Variants in MEF2C observed in about 807,000 individuals in gnomAD.
MEF2C encodes myocyte enhancer factor 2C.
In MEF2C, 6 loss-of-function variants were observed where a neutral mutation model predicts 50.5. The ratio of observed to expected loss-of-function variants is 0.12; its 90% CI spans 0.07 to 0.23. The LOEUF is 0.23. Among genes scored for constraint, MEF2C ranks in the 10% least tolerant of loss-of-function variants. The pLI is 1.00. For synonymous variants in MEF2C, 183 were observed against 228.0 expected, an observed-to-expected ratio of 0.80 and a Z score of 1.78; for missense variants, 276 against 605.0, an observed-to-expected ratio of 0.46 and a Z score of 5.70.
intron 3 of MEF2C, among the ~76,000 whole-genome samples, chr5:88,777,871 AAAAG>A (rs1785582957): frequency 2.0e-5 from 3 of 151,164 alleles, no homozygotes; most frequent in Non-Finnish European, 2.9e-5. Flanking sequence ...AGCCCCAAGG[AAAAG>A]AAAGGGTGCT....
At chr5:88,781,716 A>G (rs924285659) in intron 3 of MEF2C, among the ~76,000 whole-genome samples, 1 of 152,014 alleles carries the variant, frequency 6.6e-6, no homozygotes, top group Admixed American at 6.5e-5. Flanking sequence ...TCACACCTGT[A>G]ATCTCAGCAC....
intron 3 of MEF2C, among the ~76,000 whole-genome samples, chr5:88,801,133 G>C (rs1195976195): frequency 6.6e-6 from 1 of 152,144 alleles, no homozygotes; most frequent in Non-Finnish European, 1.5e-5. Context: ...GTAAAGGCTG[G>C]AAATTATATT....
chr5:88,780,597 T>C lies in MEF2C; in HGVS notation c.259-19269A>G, dbSNP rs543316392. On this transcript the variant is annotated intron_variant, in intron 3 of 10. Coordinates refer to ENST00000504921, the MANE Select transcript of MEF2C (RefSeq NM_002397.5). ...GGCTCATTTCCAAGAGTATGTATCC[T>C]CACTGCCATGAAAATACTGCGGGAG... Among the ~76,000 whole-genome samples, 10 of 152,332 alleles carry C rather than the reference T, an allele frequency of 6.6e-5. No individual in the cohort carries two copies. The South Asian group carries it at 1.9e-3, about 28-fold the overall frequency.
At chr5:88,784,430 CTGTT>C (rs557662608) in intron 3 of MEF2C, among the ~76,000 whole-genome samples, 3 of 152,138 alleles carry the variant, frequency 2.0e-5, no homozygotes, top group Non-Finnish European at 4.4e-5. Context: ...TAACATATAA[CTGTT>C]TAAGATAAAA....
chr5:88,848,111 C>A (rs1294617317), intron 1 of MEF2C, among the ~76,000 whole-genome samples: 2 of 152,072 alleles, frequency 1.3e-5, no homozygotes, highest in Non-Finnish European at 2.9e-5. Context: ...AATATTTTAG[C>A]TGAGATTTTA....
At chr5:88,734,237 A>C in intron 6 of MEF2C, 1 of 985,364 alleles carries the variant, frequency 1.0e-6, no homozygotes, top group Non-Finnish European at 1.2e-6. Flanking sequence ...TGTCAGCTGA[A>C]GGTCAGATGG....
chr5:88,740,275 T>G (rs1766017496), intron 6 of MEF2C: 1 of 903,496 alleles, frequency 1.1e-6, no homozygotes, highest in Non-Finnish European at 1.3e-6. Context: ...TGTGTGAAAT[T>G]AACAGTCTGT....
At chr5:88,824,303 T>C in intron 1 of MEF2C, 1 of 985,426 alleles carries the variant, frequency 1.0e-6, no homozygotes, top group Middle Eastern at 5.2e-4. Flanking sequence ...AATGAACCTT[T>C]ATGTACCTGT....
chr5:88,879,383 TA>T (rs398109146), intron 1 of MEF2C, among the ~76,000 whole-genome samples: 1 of 33,362 alleles, frequency 3.0e-5, no homozygotes, highest in African/African-American at 1.8e-4. Flanking sequence ...ATATATATAT[TA>T]TATATATATA....
chr5:88,821,250 T>C (rs1180201853), intron 2 of MEF2C, among the ~76,000 whole-genome samples: 1 of 151,842 alleles, frequency 6.6e-6, no homozygotes, highest in Non-Finnish European at 1.5e-5. Flanking sequence ...AAGTGCGACA[T>C]TAAGATTCTT....
intron 1 of MEF2C, among the ~76,000 whole-genome samples, chr5:88,880,330 C>G (rs1039922759): frequency 3.3e-5 from 5 of 152,094 alleles, no homozygotes; most frequent in Non-Finnish European, 7.4e-5. Context: ...TTAAATTCTT[C>G]TATGTTGCTT....
intron 3 of MEF2C, among the ~76,000 whole-genome samples, chr5:88,778,434 T>A (rs1580531006): frequency 6.6e-6 from 1 of 152,118 alleles, no homozygotes; most frequent in Non-Finnish European, 1.5e-5. Context: ...TTCTCTTCAA[T>A]TTGCTTGAGC....
intron 1 of MEF2C, among the ~76,000 whole-genome samples, chr5:88,863,844 G>A (rs1826340009): frequency 6.9e-6 from 1 of 145,570 alleles, no homozygotes; most frequent in African/African-American, 2.5e-5. Flanking sequence ...TTTTTTGAGA[G>A]AGAGCCTCGC....
chr5:88,843,327 G>T (rs1818084632), intron 1 of MEF2C: 1 of 981,760 alleles, frequency 1.0e-6, no homozygotes, highest in African/African-American at 1.8e-5. Context: ...AATATTGTTT[G>T]TGTGTTATTT....
intron 3 of MEF2C, chr5:88,780,932 C>A (rs1463481502): frequency 3.0e-6 from 3 of 985,100 alleles, no homozygotes; most frequent in Non-Finnish European, 3.6e-6. Flanking sequence ...AAAGGGGACA[C>A]CAGGAAATAA....
intron 1 of MEF2C, among the ~76,000 whole-genome samples, chr5:88,900,577 A>G (rs1835550839): frequency 6.6e-6 from 1 of 151,938 alleles, no homozygotes; most frequent in African/African-American, 2.4e-5. Context: ...CTTTTGTACC[A>G]TAGATGTTTT....
intron 1 of MEF2C, among the ~76,000 whole-genome samples, chr5:88,856,549 G>C (rs1050807161): frequency 6.6e-6 from 1 of 152,218 alleles, no homozygotes; most frequent in Non-Finnish European, 1.5e-5. Flanking sequence ...TCCTATCACA[G>C]GCCCAGAGGC....
intron 3 of MEF2C, among the ~76,000 whole-genome samples, chr5:88,799,577 A>G (rs912936427): frequency 6.6e-6 from 1 of 152,238 alleles, no homozygotes; most frequent in African/African-American, 2.4e-5. Context: ...TCACTAAACT[A>G]TGTAAGAGCA....
At chr5:88,745,747 T>A (rs1412922992) in intron 6 of MEF2C, among the ~76,000 whole-genome samples, 2 of 152,126 alleles carry the variant, frequency 1.3e-5, no homozygotes, top group African/African-American at 4.8e-5. Flanking sequence ...ACCAGGAGAT[T>A]GAGGCTGCAG....
Sources: gnomAD v4.1 joint callset for allele counts (sites outside exome capture counted in the v4.1 genomes callset) on GRCh38, gnomAD v4.1.1 for gene constraint, MANE v1.5 for transcripts, NCBI Gene and HGNC (gene_info 2026-07-23, HGNC 2026-07-21) for gene names.